Variants in SLC15A1 observed in about 807,000 individuals in gnomAD.
SLC15A1 encodes solute carrier family 15 member 1, also known as Caco-2 oligopeptide transporter.
SLC15A1 carries 83 observed loss-of-function variants against 92.9 expected under a neutral mutation model. The ratio of observed to expected loss-of-function variants is 0.89; its 90% CI spans 0.75 to 1.07. SLC15A1 has a LOEUF of 1.07. SLC15A1 is among the 50% of genes least tolerant of loss of function. SLC15A1 has a pLI of 0.00. For missense variants in SLC15A1, 857 were observed against 880.1 expected, an observed-to-expected ratio of 0.97 and a Z score of 0.33; for synonymous variants, 322 against 318.2, an observed-to-expected ratio of 1.01 and a Z score of -0.13.
intron 4 of SLC15A1, among the ~76,000 whole-genome samples, chr13:98,724,674 C>T (rs2088285392): frequency 6.6e-6 from 1 of 152,070 alleles, no homozygotes; most frequent in East Asian, 1.9e-4. Context: ...GGGGTTTCAC[C>T]ACGTTAGCCA....
At chr13:98,709,808 T>A (rs778573584) in intron 12 of SLC15A1, 34 bp from the exon 13 acceptor site, 13 of 1,613,720 alleles carry the variant, frequency 8.1e-6, no homozygotes, top group African/African-American at 1.3e-5. Context: ...CAGTGAAAAA[T>A]GTCATGAAAG....
intron 11 of SLC15A1, among the ~76,000 whole-genome samples, chr13:98,711,381 T>G (rs2088161617): frequency 6.6e-6 from 1 of 152,170 alleles, no homozygotes; most frequent in Admixed American, 6.5e-5. Flanking sequence ...TGTAGGTCCC[T>G]GCTTGGAGAG....
chr13:98,728,844 G>A (rs887213150), intron 1 of SLC15A1, among the ~76,000 whole-genome samples: 41 of 151,606 alleles, frequency 2.7e-4, no homozygotes, highest in African/African-American at 8.7e-4. Context: ...AGCTGGGCAT[G>A]GTGGCACACG....
At chr13:98,702,631 A>T in intron 17 of SLC15A1, 102 bp from the exon 18 acceptor site, 1 of 952,984 alleles carries the variant, frequency 1.0e-6, no homozygotes, top group South Asian at 1.4e-5. Context: ...ATTGACACTT[A>T]TCCTAGGACC....
intron 1 of SLC15A1, among the ~76,000 whole-genome samples, chr13:98,731,597 G>T (rs1484661955): frequency 6.6e-6 from 1 of 152,064 alleles, no homozygotes; most frequent in African/African-American, 2.4e-5. Flanking sequence ...GAGAGAGCCC[G>T]GGGCTTCATC....
chr13:98,692,839 G>A (rs113450646), intron 18 of SLC15A1, among the ~76,000 whole-genome samples: 1,630 of 151,998 alleles, frequency 0.011, 29 homozygotes, highest in African/African-American at 0.037. Flanking sequence ...TCGACCTCCC[G>A]GGGCTCAGGT....
Position 98,707,350 on chromosome 13 carries a change from C to G in SLC15A1, c.1150-1097G>C, listed in dbSNP as rs186771662. Among the ~76,000 whole-genome samples, 849 of 152,292 alleles carry G rather than the reference C, an allele frequency of 5.6e-3. 9 individuals carry two copies. The highest frequency in any genetic ancestry group is 7.2e-3 in the Non-Finnish European group (490 of 68,038). ...AAGGAAATTCTGACACAGTCTACAA[C>G]AGGAGGAACCTTGAAGACAATATAC... On this transcript the variant is annotated intron_variant, in intron 15 of 22. Transcript: ENST00000376503.
At chr13:98,696,828 G>C (rs1210155735) in intron 18 of SLC15A1, among the ~76,000 whole-genome samples, 1 of 152,048 alleles carries the variant, frequency 6.6e-6, no homozygotes, top group Non-Finnish European at 1.5e-5. Context: ...ATTTTTAAAG[G>C]GTTTCCTCCT....
At chr13:98,706,030 C>A in intron 16 of SLC15A1, 104 bp downstream of exon 16, 1 of 1,228,390 alleles carries the variant, frequency 8.1e-7, no homozygotes, top group Non-Finnish European at 1.1e-6. Context: ...CACTTCTGGG[C>A]TGGCCTTGGC....
rs71218592 is a variant in SLC15A1 at position 98,728,977 on chromosome 13, T to TAAAAAAAAA, written c.5-2127_5-2119dup. On this transcript the variant is annotated intron_variant, in intron 1 of 22. Coordinates refer to ENST00000376503, the MANE Select transcript of SLC15A1 (RefSeq NM_005073.4). ...GCCTAGGCCACAGAGTAAGGCTCTG[T>TAAAAAAAAA]AAAAAAAAAAAAAAAAAAAAAAAAA... Among the ~76,000 whole-genome samples the TAAAAAAAAA allele has an allele frequency of 7.6e-3, 105 of 13,892 alleles. 7 individuals are homozygous for TAAAAAAAAA. The highest frequency in any genetic ancestry group is 0.015 in the African/African-American group (48 of 3,120). 9.1% of individuals were successfully genotyped at this position (13,892 alleles called of 152,430 possible).
chr13:98,738,793 C>T (rs1278748102), intron 1 of SLC15A1, among the ~76,000 whole-genome samples: 1 of 152,236 alleles, frequency 6.6e-6, no homozygotes, highest in Non-Finnish European at 1.5e-5. Context: ...AGCCCCCACA[C>T]AGAGTCCCCA....
chr13:98,734,305 T>G (rs2088373063), intron 1 of SLC15A1, among the ~76,000 whole-genome samples: 1 of 152,094 alleles, frequency 6.6e-6, no homozygotes, highest in Non-Finnish European at 1.5e-5. Flanking sequence ...TCGATATAGC[T>G]CCCCTTTCCA....
intron 22 of SLC15A1, 32 bp from the exon 23 acceptor site, chr13:98,684,947 A>G: frequency 6.3e-7 from 1 of 1,576,770 alleles, no homozygotes; most frequent in Non-Finnish European, 8.6e-7. Flanking sequence ...AGCAGGAAAA[A>G]GAACAAAAAT....
At chr13:98,706,584 A>T (rs530720632) in intron 15 of SLC15A1, among the ~76,000 whole-genome samples, 1 of 152,344 alleles carries the variant, frequency 6.6e-6, no homozygotes, top group Admixed American at 6.5e-5. Context: ...TTCTTGTGGT[A>T]GTGAGTAAGA....
intron 17 of SLC15A1, among the ~76,000 whole-genome samples, chr13:98,702,985 A>G (rs1374213139): frequency 8.1e-5 from 12 of 147,674 alleles, no homozygotes; most frequent in East Asian, 2.0e-4. Context: ...AAAAAAAAAA[A>G]AAAAAAAAGA....
chr13:98,734,002 G>C (rs2088370194), intron 1 of SLC15A1, among the ~76,000 whole-genome samples: 1 of 152,152 alleles, frequency 6.6e-6, no homozygotes, highest in Non-Finnish European at 1.5e-5. Context: ...GTCTCACGCT[G>C]TTACCCAGGC....
chr13:98,721,736 G>T, intron 6 of SLC15A1, 68 bp downstream of exon 6: 1 of 1,453,978 alleles, frequency 6.9e-7, no homozygotes, highest in Non-Finnish European at 9.5e-7. Context: ...CAGACTTTGT[G>T]CCCGTGGCCT....
rs554580769 is a variant in SLC15A1 at position 98,716,947 on chromosome 13, G to T, written c.641-987C>A. ...TGTCTGTAATCCCAGCATTTTGGGAGGCCAAGGCAGGAGGATCACTTGAGA... is the reference window on the plus strand; with the variant it reads ...TGTCTGTAATCCCAGCATTTTGGGATGCCAAGGCAGGAGGATCACTTGAGA... On this transcript the variant is annotated intron_variant, in intron 8 of 22. Transcript: ENST00000376503. Among the ~76,000 whole-genome samples, 5 of 152,294 alleles carry T rather than the reference G, an allele frequency of 3.3e-5. No homozygotes were observed. The South Asian group carries it at 1.0e-3, about 32-fold the overall frequency.
chr13:98,704,042 C>T (rs2088091321), intron 17 of SLC15A1, among the ~76,000 whole-genome samples: 1 of 152,164 alleles, frequency 6.6e-6, no homozygotes, highest in African/African-American at 2.4e-5. Context: ...TGTGCACAGA[C>T]CCCATACAAT....
Sources: allele counts gnomAD v4.1 joint callset (sites outside exome capture counted in the v4.1 genomes callset), GRCh38; gene constraint gnomAD v4.1.1; transcripts MANE v1.5; gene names NCBI Gene and HGNC (gene_info 2026-07-23, HGNC 2026-07-21).